The following RLN2 variants were observed in gnomAD, a reference collection of about 807,000 sequenced individuals.
RLN2 encodes the protein relaxin 2.
RLN2 carries 10 observed loss-of-function variants against 7.3 expected under a neutral mutation model. That is an observed-to-expected ratio of 1.36 (90% confidence interval 0.84 to 2.31). RLN2 has a LOEUF of 2.31. Ranked by LOEUF, RLN2 falls within the 30% of genes most tolerant of loss-of-function variation. RLN2 has a pLI of 0.00. For missense variants in RLN2, 298 were observed against 217.6 expected (o/e 1.37, Z -2.32); for synonymous variants, 103 against 82.3 (o/e 1.25, Z -1.36).
chr9:5,326,318 A>C, the RLN2 span, among the ~76,000 whole-genome samples: 4 of 152,100 alleles, frequency 2.6e-5, no homozygotes, highest in Non-Finnish European at 5.9e-5. Flanking sequence ...CTTTTAGGCT[A>C]GAAGGGGAAG....
chr9:5,311,285 TA>T, the RLN2 span, among the ~76,000 whole-genome samples: 1 of 151,922 alleles, frequency 6.6e-6, no homozygotes, highest in South Asian at 2.1e-4. Context: ...GGGGTATGTG[TA>T]TGTGTGCATG....
the RLN2 span, among the ~76,000 whole-genome samples, chr9:5,332,443 T>G: frequency 5.3e-5 from 8 of 152,040 alleles, no homozygotes; most frequent in African/African-American, 1.9e-4. Context: ...GGATAACTGG[T>G]GCTGGAAGCC....
the RLN2 span, among the ~76,000 whole-genome samples, chr9:5,324,494 A>G: frequency 6.6e-6 from 1 of 152,186 alleles, no homozygotes; most frequent in African/African-American, 2.4e-5. Flanking sequence ...TATTACCATA[A>G]TGAAATAAAT....
At chr9:5,327,282 T>C in the RLN2 span, among the ~76,000 whole-genome samples, 3 of 152,052 alleles carry the variant, frequency 2.0e-5, no homozygotes, top group Non-Finnish European at 4.4e-5. Context: ...CCAAGGAGCC[T>C]TGCTCACTAC....
chr9:5,308,002 A>G (rs1816285096), upstream of RLN2, among the ~76,000 whole-genome samples: 1 of 151,848 alleles, frequency 6.6e-6, no homozygotes, highest in Non-Finnish European at 1.5e-5. Flanking sequence ...ACCTGATCCC[A>G]ATGACAGTCG....
chr9:5,328,491 GA>G, the RLN2 span, among the ~76,000 whole-genome samples: 1 of 151,964 alleles, frequency 6.6e-6, no homozygotes, highest in Non-Finnish European at 1.5e-5. Context: ...CACTCTTCAG[GA>G]TATTATCCAC....
chr9:5,321,478 C>T, the RLN2 span, among the ~76,000 whole-genome samples: 2 of 151,978 alleles, frequency 1.3e-5, no homozygotes, highest in Non-Finnish European at 2.9e-5. Flanking sequence ...TACTGTCTGT[C>T]ATTTTTACTA....
the RLN2 span, among the ~76,000 whole-genome samples, chr9:5,337,283 C>T: frequency 3.3e-5 from 5 of 151,850 alleles, no homozygotes; most frequent in Admixed American, 2.0e-4. Flanking sequence ...AATGAATCAG[C>T]CAAAACAGTT....
the RLN2 span, among the ~76,000 whole-genome samples, chr9:5,327,224 C>T: frequency 1.3e-5 from 2 of 152,084 alleles, no homozygotes; most frequent in East Asian, 1.9e-4. Context: ...TCTTAGCAAC[C>T]GCAGACCAGG....
chr9:5,320,185 C>T, the RLN2 span, among the ~76,000 whole-genome samples: 2 of 151,552 alleles, frequency 1.3e-5, no homozygotes, highest in African/African-American at 4.9e-5. Context: ...GGGGTTTCAC[C>T]GTGTGGGCCA....
At chr9:5,316,539 C>T in the RLN2 span, among the ~76,000 whole-genome samples, 3 of 151,930 alleles carry the variant, frequency 2.0e-5, no homozygotes, top group Non-Finnish European at 4.4e-5. Flanking sequence ...TGAGAACATG[C>T]AGTGTTTGGT....
At chr9:5,316,861 G>A in the RLN2 span, among the ~76,000 whole-genome samples, 1 of 151,958 alleles carries the variant, frequency 6.6e-6, no homozygotes, top group Non-Finnish European at 1.5e-5. Flanking sequence ...TCCTTGAGGA[G>A]TCACCACACT....
chr9:5,313,186 C>T, the RLN2 span, among the ~76,000 whole-genome samples: 6 of 152,026 alleles, frequency 3.9e-5, no homozygotes, highest in African/African-American at 1.4e-4. Flanking sequence ...AAGTCTTCTG[C>T]TATTATTATA....
chr9:5,307,270 A>AT (rs1554618337), upstream of RLN2, among the ~76,000 whole-genome samples: 2 of 35,696 alleles, frequency 5.6e-5, no homozygotes, highest in East Asian at 1.2e-3. Context: ...AGATAGATAG[A>AT]GGATAGATAG....
chr9:5,313,087 T>C, the RLN2 span, among the ~76,000 whole-genome samples: 1,606 of 152,178 alleles, frequency 0.011, 39 homozygotes, highest in African/African-American at 0.037. Flanking sequence ...ATATGTCTGT[T>C]AGGTTCATTT....
chr9:5,335,680 CAAAGA>C, the RLN2 span: 90 of 812,916 alleles, frequency 1.1e-4, no homozygotes, highest in African/African-American at 1.3e-3. Context: ...TTTGCATACA[CAAAGA>C]AAAGAAAGCA....
the RLN2 span, among the ~76,000 whole-genome samples, chr9:5,318,123 T>G: frequency 6.6e-6 from 1 of 151,908 alleles, no homozygotes; most frequent in South Asian, 2.1e-4. Context: ...CCGCCTGCCT[T>G]GGCCTCCCAA....
the RLN2 span, among the ~76,000 whole-genome samples, chr9:5,337,482 C>A: frequency 5.9e-5 from 9 of 151,970 alleles, no homozygotes. Context: ...GCAAATCTTA[C>A]TGAAATAGAT....
At chr9:5,329,378 A>G in the RLN2 span, among the ~76,000 whole-genome samples, 1 of 151,528 alleles carries the variant, frequency 6.6e-6, no homozygotes, top group African/African-American at 2.4e-5. Flanking sequence ...CTAACATCAT[A>G]ATGATGGGAT....
Sources: gnomAD v4.1 joint callset for allele counts (sites outside exome capture counted in the v4.1 genomes callset) on GRCh38, gnomAD v4.1.1 for gene constraint, MANE v1.5 for transcripts, NCBI Gene and HGNC (gene_info 2026-07-23, HGNC 2026-07-21) for gene names.